Variants in LRRC4C observed in about 807,000 individuals in gnomAD.
LRRC4C encodes leucine rich repeat containing 4C, also known as leucine-rich repeat-containing protein 4C.
In LRRC4C, 5 loss-of-function variants were observed where a neutral mutation model predicts 33.6. The observed-to-expected ratio is 0.15, with a 90% CI of 0.08 to 0.31. The LOEUF (loss-of-function observed/expected upper bound fraction) is 0.31, where lower values mean the gene tolerates loss of function less well. LRRC4C is among the 10% of genes least tolerant of loss of function. The probability of loss-of-function intolerance (pLI) is 1.00; values close to 1 mark genes in which losing one functional copy is unlikely to be tolerated. For synonymous variants in LRRC4C, 329 were observed against 302.0 expected (o/e 1.09, Z -0.93); for missense variants, 560 against 796.7 (o/e 0.70, Z 3.58).
At chr11:40,908,831 G>T (rs1956540263) in intron 2 of LRRC4C, among the ~76,000 whole-genome samples, 1 of 152,134 alleles carries the variant, frequency 6.6e-6, no homozygotes, top group Admixed American at 6.5e-5. Flanking sequence ...GGTAAACTCT[G>T]CAATCTGACA....
At chr11:41,210,857 G>C (rs1321741953) in intron 1 of LRRC4C, among the ~76,000 whole-genome samples, 2 of 152,158 alleles carry the variant, frequency 1.3e-5, no homozygotes, top group African/African-American at 4.8e-5. Context: ...CACTGATGGG[G>C]GTTGGGAGTG....
rs1942570793 is a variant in LRRC4C, at chr11:40,270,032, A to G, written c.-175-28434T>C. Among the ~76,000 whole-genome samples the G allele has an allele frequency of 5.3e-5, 8 of 152,258 alleles. No homozygotes were observed. In the South Asian group the frequency reaches 1.7e-3, roughly 32 times the overall value. On this transcript the variant is annotated intron_variant, in intron 4 of 6. Transcript: ENST00000528697. ...CTAAGGCTTCTCCTGAAATAGCAAC[A>G]CTTCTAGGGAACCCCTACGCCTCCC...
At chr11:41,303,158 G>T (rs1474010266) in intron 1 of LRRC4C, among the ~76,000 whole-genome samples, 2 of 138,836 alleles carry the variant, frequency 1.4e-5, no homozygotes. Flanking sequence ...GCCGAAGCTG[G>T]ACTGTACTGC....
At chr11:40,987,690 A>ATC (rs889944651) in intron 1 of LRRC4C, among the ~76,000 whole-genome samples, 12 of 122,616 alleles carry the variant, frequency 9.8e-5, no homozygotes, top group East Asian at 6.9e-4. Flanking sequence ...ATATATATAT[A>ATC]TCTCATATAT....
intron 2 of LRRC4C, among the ~76,000 whole-genome samples, chr11:40,857,960 A>AAAGGGAAAGGGAAAGGG (rs2135805562): frequency 1.5e-5 from 1 of 68,930 alleles, no homozygotes; most frequent in Non-Finnish European, 4.1e-5. Flanking sequence ...AGGGAAAGGG[A>AAAGGGAAAGGGAAAGGG]AAGGGAAAGG....
At chr11:41,162,710 A>G (rs1438481547) in intron 1 of LRRC4C, among the ~76,000 whole-genome samples, 6 of 152,196 alleles carry the variant, frequency 3.9e-5, no homozygotes, top group African/African-American at 1.2e-4. Context: ...AAATAGTACA[A>G]CTGTATCAGG....
At chr11:40,332,188 T>A (rs1198576013) in intron 3 of LRRC4C, among the ~76,000 whole-genome samples, 13 of 152,180 alleles carry the variant, frequency 8.5e-5, no homozygotes, top group Non-Finnish European at 1.5e-5. Flanking sequence ...TTACACTTCC[T>A]GGAAGTCAGA....
At chr11:40,713,206 A>G (rs535927170) in intron 2 of LRRC4C, among the ~76,000 whole-genome samples, 1 of 152,122 alleles carries the variant, frequency 6.6e-6, no homozygotes, top group South Asian at 2.1e-4. Flanking sequence ...TATTTCTTTT[A>G]AAGTTCTGAT....
intron 1 of LRRC4C, among the ~76,000 whole-genome samples, chr11:41,129,075 C>A (rs1472859201): frequency 1.3e-5 from 2 of 151,774 alleles, no homozygotes; most frequent in Admixed American, 1.3e-4. Context: ...AGGTGGGGGA[C>A]CATTCTCTTT....
intron 1 of LRRC4C, among the ~76,000 whole-genome samples, chr11:40,960,996 T>C (rs1478683364): frequency 6.6e-6 from 1 of 151,724 alleles, no homozygotes; most frequent in East Asian, 1.9e-4. Context: ...TGAGATCTTG[T>C]GTCTTGGTCA....
At chr11:41,166,726 C>A (rs527443630) in intron 1 of LRRC4C, among the ~76,000 whole-genome samples, 1 of 152,246 alleles carries the variant, frequency 6.6e-6, no homozygotes, top group Admixed American at 6.5e-5. Context: ...ACTGTTTCCC[C>A]AGGAACAAAC....
At chr11:40,453,369 T>C (rs1297171104) in intron 3 of LRRC4C, among the ~76,000 whole-genome samples, 1 of 152,166 alleles carries the variant, frequency 6.6e-6, no homozygotes, top group South Asian at 2.1e-4. Flanking sequence ...AAAATCTAAA[T>C]TGTCCGATAA....
chr11:40,320,478 C>T (rs1483034508), intron 3 of LRRC4C, among the ~76,000 whole-genome samples: 2 of 151,880 alleles, frequency 1.3e-5, no homozygotes, highest in Non-Finnish European at 1.5e-5. Context: ...TGCACTCCAG[C>T]CTGGGCGACA....
intron 6 of LRRC4C, among the ~76,000 whole-genome samples, chr11:40,122,875 T>C (rs1327658773): frequency 6.9e-6 from 1 of 145,328 alleles, no homozygotes; most frequent in Non-Finnish European, 1.5e-5. Context: ...ACAAAACAAA[T>C]ATATATATAT....
At chr11:40,999,382 T>C (rs1478225770) in intron 1 of LRRC4C, among the ~76,000 whole-genome samples, 1 of 152,184 alleles carries the variant, frequency 6.6e-6, no homozygotes, top group African/African-American at 2.4e-5. Flanking sequence ...AGTCTGTAAT[T>C]TGTAGCATTT....
intron 3 of LRRC4C, among the ~76,000 whole-genome samples, chr11:40,405,430 G>T (rs1028250813): frequency 5.9e-5 from 9 of 151,812 alleles, no homozygotes; most frequent in African/African-American, 1.2e-4. Context: ...GAGGTAAGGA[G>T]TTCGAGACCA....
chr11:41,161,113 C>T (rs1012961309), intron 1 of LRRC4C, among the ~76,000 whole-genome samples: 3 of 152,054 alleles, frequency 2.0e-5, no homozygotes, highest in Non-Finnish European at 4.4e-5. Flanking sequence ...AAAACAAATG[C>T]CCATGATAAC....
chr11:40,643,952 A>G (rs984735850), intron 3 of LRRC4C, among the ~76,000 whole-genome samples: 2 of 152,188 alleles, frequency 1.3e-5, no homozygotes, highest in African/African-American at 4.8e-5. Context: ...TCAACTGCAA[A>G]CTACGTATTC....
Position 41,283,242 on chromosome 11 carries a change from C to T in LRRC4C, c.-496+176189G>A, listed in dbSNP as rs375293677. Among the ~76,000 whole-genome samples the T allele has an allele frequency of 3.2e-4, 48 of 152,112 alleles. 1 individual carries two copies. The highest frequency in any genetic ancestry group is 9.2e-4 in the African/African-American group (38 of 41,498). ...TTTGAGCAGATGGTCTGGAAATATC[C>T]GCTTAGAAAATATTATTTTAAAAAG... On this transcript the variant is annotated intron_variant, in intron 1 of 6. Transcript: ENST00000528697.
Sources: gnomAD v4.1 joint callset for allele counts (sites outside exome capture counted in the v4.1 genomes callset) on GRCh38, gnomAD v4.1.1 for gene constraint, MANE v1.5 for transcripts, NCBI Gene and HGNC (gene_info 2026-07-23, HGNC 2026-07-21) for gene names.